The following CCSER1 variants were observed in gnomAD, a reference collection of about 807,000 sequenced individuals.
CCSER1 encodes the protein coiled-coil serine rich protein 1.
Under a neutral mutation model 82.0 loss-of-function variants are expected in CCSER1, and 41 were observed. The observed-to-expected ratio is 0.50, with a 90% CI of 0.39 to 0.65. CCSER1 has a LOEUF of 0.65. Ranked by LOEUF, CCSER1 falls within the 30% of genes least tolerant of loss-of-function variation. The pLI is 0.00. For synonymous variants in CCSER1, 414 were observed against 383.9 expected, an observed-to-expected ratio of 1.08 and a Z score of -0.92; for missense variants, 1,119 against 1,064.2, an observed-to-expected ratio of 1.05 and a Z score of -0.72.
chr4:90,227,609 G>A (rs902047139), intron 1 of CCSER1, among the ~76,000 whole-genome samples: 5 of 152,140 alleles, frequency 3.3e-5, no homozygotes, highest in African/African-American at 9.6e-5. Flanking sequence ...AGAGCTTATG[G>A]GGGGAGGAGC....
At chr4:91,404,721 G>A (rs1490542055) in intron 10 of CCSER1, among the ~76,000 whole-genome samples, 2 of 152,072 alleles carry the variant, frequency 1.3e-5, no homozygotes, top group Non-Finnish European at 2.9e-5. Flanking sequence ...GAGTTTCTTA[G>A]TCCCGAGCTC....
chr4:91,082,529 G>A (rs1451037219), intron 9 of CCSER1, among the ~76,000 whole-genome samples: 6 of 152,146 alleles, frequency 3.9e-5, no homozygotes, highest in Non-Finnish European at 7.4e-5. Context: ...AACACCAAAA[G>A]CAATGGCAAC....
At chr4:91,438,686 A>C (rs1754865959) in intron 10 of CCSER1, among the ~76,000 whole-genome samples, 1 of 151,464 alleles carries the variant, frequency 6.6e-6, no homozygotes, top group East Asian at 2.0e-4. Context: ...AACTACTCTG[A>C]GCTACAGGAG....
At chr4:91,196,573 T>C (rs999648499) in intron 10 of CCSER1, among the ~76,000 whole-genome samples, 1 of 152,210 alleles carries the variant, frequency 6.6e-6, no homozygotes, top group Non-Finnish European at 1.5e-5. Context: ...ACTCTGTTAA[T>C]CCATGTATTA....
intron 10 of CCSER1, among the ~76,000 whole-genome samples, chr4:91,420,977 C>T (rs990847997): frequency 6.6e-6 from 1 of 152,144 alleles, no homozygotes; most frequent in Non-Finnish European, 1.5e-5. Context: ...CCTGTGTGAT[C>T]TCACTTACGT....
intron 10 of CCSER1, among the ~76,000 whole-genome samples, chr4:91,591,036 C>T (rs1352775866): frequency 6.6e-6 from 1 of 152,070 alleles, no homozygotes; most frequent in Non-Finnish European, 1.5e-5. Flanking sequence ...TGCCATCCCC[C>T]ACCCCTTGGG....
intron 5 of CCSER1, among the ~76,000 whole-genome samples, chr4:90,582,525 A>C (rs1190663290): frequency 6.6e-6 from 1 of 152,232 alleles, no homozygotes; most frequent in Non-Finnish European, 1.5e-5. Flanking sequence ...AGCACTTTAT[A>C]AACCCTTAAA....
At chr4:91,581,552 T>C (rs910855306) in intron 10 of CCSER1, among the ~76,000 whole-genome samples, 1 of 151,632 alleles carries the variant, frequency 6.6e-6, no homozygotes, top group Non-Finnish European at 1.5e-5. Flanking sequence ...GGCACCAAAC[T>C]GAGGGGCTGC....
intron 1 of CCSER1, among the ~76,000 whole-genome samples, chr4:90,283,104 G>A (rs1462272965): frequency 1.3e-5 from 2 of 151,832 alleles, no homozygotes; most frequent in African/African-American, 4.8e-5. Context: ...AACAGAGGGG[G>A]ACCGTTATCT....
intron 8 of CCSER1, among the ~76,000 whole-genome samples, chr4:90,877,518 G>A (rs1767362470): frequency 6.6e-6 from 1 of 151,866 alleles, no homozygotes; most frequent in African/African-American, 2.4e-5. Context: ...TGCCAGTCGA[G>A]GGAACAATAC....
At chr4:91,473,780 G>A (rs1205787279) in intron 10 of CCSER1, among the ~76,000 whole-genome samples, 1 of 152,012 alleles carries the variant, frequency 6.6e-6, no homozygotes, top group Non-Finnish European at 1.5e-5. Flanking sequence ...CTATGGGCCT[G>A]TTATCTCATT....
At chr4:90,803,536 T>G (rs752761550) in intron 7 of CCSER1, among the ~76,000 whole-genome samples, 5 of 152,246 alleles carry the variant, frequency 3.3e-5, no homozygotes, top group Non-Finnish European at 5.9e-5. Flanking sequence ...GCAAAGGACA[T>G]GAACTCATCC....
intron 10 of CCSER1, among the ~76,000 whole-genome samples, chr4:91,404,491 G>T (rs1422746316): frequency 1.3e-5 from 2 of 152,032 alleles, no homozygotes; most frequent in Non-Finnish European, 2.9e-5. Flanking sequence ...TGATGTTAGG[G>T]TGTCAATTTT....
At chr4:91,162,724 G>A (rs531098120) in intron 10 of CCSER1, among the ~76,000 whole-genome samples, 1 of 152,158 alleles carries the variant, frequency 6.6e-6, no homozygotes, top group Non-Finnish European at 1.5e-5. Flanking sequence ...GCATAGAGGT[G>A]TTTATAGTAT....
chr4:90,213,547 A>G (rs1322692080), intron 1 of CCSER1, among the ~76,000 whole-genome samples: 1 of 152,186 alleles, frequency 6.6e-6, no homozygotes, highest in African/African-American at 2.4e-5. Flanking sequence ...AGGGGTGTAC[A>G]TAATAAAGAG....
intron 6 of CCSER1, among the ~76,000 whole-genome samples, chr4:90,721,375 A>AT (rs1742649933): frequency 6.8e-6 from 1 of 148,120 alleles, no homozygotes; most frequent in African/African-American, 2.4e-5. Context: ...ATTAAAAAAA[A>AT]ATTCATGAGA....
rs562828059 is a variant in CCSER1 at position 90,999,332 on chromosome 4, A to G, written c.2172+75885A>G. On this transcript the variant is annotated intron_variant, in intron 9 of 10. Coordinates refer to ENST00000509176, the MANE Select transcript of CCSER1 (RefSeq NM_001145065.2). Reference sequence around the variant, plus strand: ...ATTGTTTTCCAAAGTGGCTGAATTAATTTACATTCCCACCAACAGTGTATA... The same window carrying G: ...ATTGTTTTCCAAAGTGGCTGAATTAGTTTACATTCCCACCAACAGTGTATA... Among the ~76,000 whole-genome samples, 7 of 152,302 alleles carry G rather than the reference A, an allele frequency of 4.6e-5. No homozygotes were observed. In the East Asian group the frequency reaches 1.4e-3, roughly 29 times the overall value.
At chr4:90,631,862 A>G (rs1369423459) in intron 6 of CCSER1, among the ~76,000 whole-genome samples, 1 of 152,232 alleles carries the variant, frequency 6.6e-6, no homozygotes, top group East Asian at 1.9e-4. Context: ...AATATTGTAT[A>G]AAATTACCTT....
At chr4:90,956,074 C>T (rs1041138257) in intron 9 of CCSER1, among the ~76,000 whole-genome samples, 4 of 151,884 alleles carry the variant, frequency 2.6e-5, no homozygotes, top group Non-Finnish European at 4.4e-5. Context: ...GGTGTAGGAC[C>T]GAGAACAGTG....
Sources: allele counts gnomAD v4.1 joint callset (sites outside exome capture counted in the v4.1 genomes callset), GRCh38; gene constraint gnomAD v4.1.1; transcripts MANE v1.5; gene names NCBI Gene and HGNC (gene_info 2026-07-23, HGNC 2026-07-21).